EIF3D: variants seen among roughly 807,000 people sequenced by gnomAD.
EIF3D encodes the protein eukaryotic translation initiation factor 3 subunit D.
In EIF3D, 10 loss-of-function variants were observed where a neutral mutation model predicts 75.4. The observed-to-expected ratio is 0.13, with a 90% CI of 0.08 to 0.22. The LOEUF is 0.22. Among genes scored for constraint, EIF3D ranks in the 10% least tolerant of loss-of-function variants. The pLI, the probability that EIF3D is intolerant of heterozygous loss-of-function variation, is 1.00. For synonymous variants in EIF3D, 246 were observed against 248.3 expected (o/e 0.99, Z 0.09); for missense variants, 394 against 708.0 (o/e 0.56, Z 5.03).
intron 6 of EIF3D, among the ~76,000 whole-genome samples, chr22:36,522,716 T>A (rs117281477): frequency 6.6e-6 from 1 of 152,236 alleles, no homozygotes; most frequent in African/African-American, 2.4e-5. Flanking sequence ...TGGTTGCTAC[T>A]GCGGCAGTGT....
At position 36,524,005 on chromosome 22, in the gene EIF3D, T is replaced by C. The variant is rs753082851; in HGVS notation, c.307-25A>G. 3.7e-6 allele frequency: 6 copies of C among 1,613,246 alleles called. No homozygotes were observed. In the South Asian group the frequency reaches 4.4e-5, roughly 12 times the overall value. The stretch of plus-strand genomic sequence containing the variant: ...TCTGGGCATCAGCAAGAAACATCCA[T>C]GTTAAAATCTTGGAGATTTGGCTCA... On this transcript the variant is annotated intron_variant, in intron 4 of 14. Coordinates refer to ENST00000216190, the MANE Select transcript of EIF3D (RefSeq NM_003753.4).
intron 14 of EIF3D, 106 bp downstream of exon 14, chr22:36,511,397 G>C: frequency 5.2e-6 from 8 of 1,535,768 alleles, no homozygotes; most frequent in Non-Finnish European, 6.1e-6. Flanking sequence ...AAGTCTCAGG[G>C]AATTCTCGAA....
At chr22:36,518,650 A>T in intron 9 of EIF3D, 113 bp downstream of exon 9, 1 of 1,351,424 alleles carries the variant, frequency 7.4e-7, no homozygotes, top group Non-Finnish European at 1.0e-6. Context: ...TGCTGCTGTC[A>T]ATTCCCTTGG....
chr22:36,514,229 AC>A (rs1457737981), intron 12 of EIF3D, among the ~76,000 whole-genome samples: 1 of 152,192 alleles, frequency 6.6e-6, no homozygotes, highest in Non-Finnish European at 1.5e-5. Context: ...TAGCAGAAAA[AC>A]AATGGGAAGT....
At chr22:36,520,136 C>T (rs1306113694) in intron 7 of EIF3D, among the ~76,000 whole-genome samples, 1 of 151,494 alleles carries the variant, frequency 6.6e-6, no homozygotes, top group Admixed American at 6.6e-5. Flanking sequence ...AGTCAGTGAA[C>T]TTCTGCTTTT....
At chr22:36,521,134 A>C (rs890164852) in intron 6 of EIF3D, among the ~76,000 whole-genome samples, 1 of 152,208 alleles carries the variant, frequency 6.6e-6, no homozygotes, top group Non-Finnish European at 1.5e-5. Context: ...TGGGAGGCGG[A>C]GGTTGCAGTG....
At position 36,520,077 on chromosome 22, in the gene EIF3D, A is replaced by G. The variant is rs78058373; in HGVS notation, c.578+499T>C. On this transcript the variant is annotated intron_variant, in intron 7 of 14. Coordinates refer to ENST00000216190, the MANE Select transcript of EIF3D (RefSeq NM_003753.4). ...CTCTTTCTGCCAAAAGAGTTGTATA[A>G]CTCATTTCTTCTTTCCTCAGGATAC... Among the ~76,000 whole-genome samples, 662 of 152,050 alleles carry G rather than the reference A, an allele frequency of 4.4e-3. 18 individuals carry two copies. The East Asian group carries it at 0.058, about 13-fold the overall frequency.
chr22:36,519,752 C>T (rs530021802), intron 7 of EIF3D, among the ~76,000 whole-genome samples: 82 of 152,302 alleles, frequency 5.4e-4, no homozygotes, highest in Admixed American at 1.4e-3. Flanking sequence ...TCTAGCCCAA[C>T]GCCCCCATTT....
rs1374276080 is a variant in EIF3D, at chr22:36,525,238, ACTTT to A, written c.169+422_169+425del. 8.6e-4 allele frequency among the ~76,000 whole-genome samples: 101 copies of A among 117,596 alleles called. 2 individuals are homozygous for A. In the South Asian group the frequency reaches 0.014, roughly 16 times the overall value. The allele number at this position is 117,596 out of a possible 152,430, so 77.1% of individuals were successfully genotyped here. On this transcript the variant is annotated intron_variant, in intron 3 of 14. Coordinates refer to ENST00000216190, the MANE Select transcript of EIF3D (RefSeq NM_003753.4). ...CCAGGATCTTAAAACCAGGGGTTTT[ACTTT>A]TTTTTTTTTTTTTTTTTTTGGAGAC... is the stretch of plus-strand genomic sequence containing the variant.
chr22:36,524,601 C>T lies in EIF3D; in HGVS notation c.301G>A (p.Ala101Thr), dbSNP rs770301535. The change falls in exon 4 of 15, where the codon GCC becomes ACC. Residue 101 changes from alanine (A) to threonine (T), a missense_variant. By Grantham distance (58) the Ala-to-Thr change is moderately conservative. Coordinates refer to ENST00000216190, the MANE Select transcript of EIF3D (RefSeq NM_003753.4). ...TAYQRNRMRF[A>T]QRNLRRDKDR... ...GTTGCTGGCTCTTGGCCTACCTGGG[C>T]AAATCTCATTCGATTCCGCTGGTAG... is the stretch of plus-strand genomic sequence containing the variant. 5.6e-6 allele frequency: 9 copies of T among 1,614,160 alleles called. No homozygotes were observed. The highest frequency in any genetic ancestry group is 2.2e-5 in the South Asian group (2 of 91,084).
intron 7 of EIF3D, among the ~76,000 whole-genome samples, 195 bp from the exon 8 acceptor site, chr22:36,519,732 G>A (rs755300060): frequency 7.9e-5 from 12 of 152,182 alleles, no homozygotes; most frequent in South Asian, 2.1e-4. Flanking sequence ...AACACAGCAA[G>A]CACAACTCAT....
chr22:36,524,551 A>T lies in EIF3D; in HGVS notation c.306+45T>A, dbSNP rs113177948. 1.3e-3 allele frequency: 2,111 copies of T among 1,610,630 alleles called. 24 individuals are homozygous for T. The African/African-American group carries it at 0.026, about 20-fold the overall frequency. On this transcript the variant is annotated intron_variant, in intron 4 of 14. Transcript: ENST00000216190. ...AGCATTTTTTAGCAGGTGATGGCCA[A>T]CAGTAACAGCCCCAAGATGGTGTGG...
intron 1 of EIF3D, among the ~76,000 whole-genome samples, chr22:36,527,631 C>T (rs537600639): frequency 1.2e-4 from 18 of 152,204 alleles, no homozygotes; most frequent in Non-Finnish European, 1.6e-4. Flanking sequence ...ACGAGGTCAG[C>T]AGTTCGAGAC....
intron 12 of EIF3D, chr22:36,512,858 G>GACACAC (rs67441722): frequency 5.2e-5 from 18 of 343,810 alleles, no homozygotes; most frequent in Middle Eastern, 8.7e-4. Context: ...GACACACACG[G>GACACAC]ACACACACAC....
At chr22:36,516,026 A>C in intron 12 of EIF3D, 1 of 154,182 alleles carries the variant, frequency 6.5e-6, no homozygotes, top group Non-Finnish European at 1.4e-5. Flanking sequence ...GAAATGAGGA[A>C]TTGCAAAAAA....
At chr22:36,515,471 TGAGCCGAGATC>T (rs1364337749) in intron 12 of EIF3D, among the ~76,000 whole-genome samples, 2 of 152,064 alleles carry the variant, frequency 1.3e-5, no homozygotes, top group Non-Finnish European at 2.9e-5. Context: ...GAGGTTGCAG[TGAGCCGAGATC>T]GCACCGTTGC....
intron 12 of EIF3D, among the ~76,000 whole-genome samples, chr22:36,515,477 G>A (rs760162223): frequency 5.3e-5 from 8 of 152,120 alleles, no homozygotes; most frequent in East Asian, 1.9e-4. Flanking sequence ...GCAGTGAGCC[G>A]AGATCGCACC....
intron 6 of EIF3D, among the ~76,000 whole-genome samples, chr22:36,522,213 G>A (rs1473961342): frequency 1.3e-5 from 2 of 152,060 alleles, no homozygotes; most frequent in Non-Finnish European, 2.9e-5. Context: ...AATTAGCCAG[G>A]CGTGGTGGTG....
At chr22:36,515,222 G>A (rs144923051) in intron 12 of EIF3D, among the ~76,000 whole-genome samples, 111 of 152,290 alleles carry the variant, frequency 7.3e-4, no homozygotes, top group African/African-American at 2.5e-3. Flanking sequence ...CTACAAAACC[G>A]TGAGCTAATA....
Sources: gnomAD v4.1 joint callset for allele counts (sites outside exome capture counted in the v4.1 genomes callset) on GRCh38, gnomAD v4.1.1 for gene constraint, MANE v1.5 for transcripts, NCBI Gene and HGNC (gene_info 2026-07-23, HGNC 2026-07-21) for gene names.